The following RNF216 variants were observed in gnomAD, a reference collection of about 807,000 sequenced individuals.
The protein encoded by RNF216 is E3 ubiquitin-protein ligase RNF216.
In RNF216, 72 loss-of-function variants were observed where a neutral mutation model predicts 110.8. That is an observed-to-expected ratio of 0.65 (90% CI 0.54 to 0.79). RNF216 has a LOEUF of 0.79. Among genes scored for constraint, RNF216 ranks in the 30% least tolerant of loss-of-function variants. The pLI, the probability that RNF216 is intolerant of heterozygous loss-of-function variation, is 0.00. For missense variants in RNF216, 1,342 were observed against 1,141.2 expected (o/e 1.18, Z -2.54); for synonymous variants, 495 against 407.5 (o/e 1.21, Z -2.59).
At chr7:5,748,683 A>G (rs1017624656) in intron 3 of RNF216, among the ~76,000 whole-genome samples, 2 of 151,666 alleles carry the variant, frequency 1.3e-5, no homozygotes, top group Non-Finnish European at 2.9e-5. Flanking sequence ...AAGCATGTTA[A>G]CCATGTTATT....
chr7:5,675,714 CTT>C (rs754444984), intron 13 of RNF216, among the ~76,000 whole-genome samples: 1,722 of 141,240 alleles, frequency 0.012, 17 homozygotes, highest in Non-Finnish European at 0.02. Context: ...TATTCAAATT[CTT>C]TTTTTTTTTT....
intron 13 of RNF216, among the ~76,000 whole-genome samples, chr7:5,690,181 G>C (rs911353962): frequency 6.0e-5 from 9 of 151,030 alleles, no homozygotes; most frequent in Admixed American, 1.3e-4. Flanking sequence ...CAAAAAATTA[G>C]CCAGGCATGG....
At chr7:5,697,276 T>C (rs1791689564) in intron 13 of RNF216, among the ~76,000 whole-genome samples, 2 of 152,222 alleles carry the variant, frequency 1.3e-5, no homozygotes, top group African/African-American at 2.4e-5. Flanking sequence ...GCAGTCACCA[T>C]CACTCTCTCA....
At chr7:5,626,429 A>C (rs1294455773) in intron 15 of RNF216, among the ~76,000 whole-genome samples, 1 of 152,002 alleles carries the variant, frequency 6.6e-6, no homozygotes, top group Non-Finnish European at 1.5e-5. Flanking sequence ...AAAAAAAAGA[A>C]AAAAAGAAAT....
intron 13 of RNF216, among the ~76,000 whole-genome samples, chr7:5,665,940 C>T (rs553920707): frequency 3.9e-5 from 6 of 152,036 alleles, no homozygotes; most frequent in Non-Finnish European, 7.4e-5. Context: ...CCGAGACAGG[C>T]GGATCCCGAG....
intron 2 of RNF216, among the ~76,000 whole-genome samples, chr7:5,759,458 C>G (rs1403823712): frequency 6.6e-6 from 1 of 152,086 alleles, no homozygotes; most frequent in Non-Finnish European, 1.5e-5. Context: ...TATTTTCTTT[C>G]TCTTCCTTAT....
chr7:5,738,274 T>A (rs1191735129), intron 5 of RNF216, among the ~76,000 whole-genome samples: 2 of 152,170 alleles, frequency 1.3e-5, no homozygotes, highest in Non-Finnish European at 2.9e-5. Context: ...GCTCCCAGGC[T>A]GGAGTGCAGT....
At chr7:5,669,799 G>T (rs1278898542) in intron 13 of RNF216, among the ~76,000 whole-genome samples, 2 of 152,188 alleles carry the variant, frequency 1.3e-5, no homozygotes, top group African/African-American at 4.8e-5. Flanking sequence ...GGCCGAGGTA[G>T]GAGAATTGCT....
rs73676628 is a variant in RNF216 at position 5,650,947 on chromosome 7, A to G, written c.2159+1466T>C. Among the ~76,000 whole-genome samples the G allele has an allele frequency of 3.3e-3, 506 of 152,132 alleles. 6 individuals are homozygous for G. Among genetic ancestry groups the G allele is most frequent in the African/African-American group, 0.012 (496 of 41,496 alleles). On this transcript the variant is annotated intron_variant, in intron 14 of 16. Coordinates refer to ENST00000389902, the MANE Select transcript of RNF216 (RefSeq NM_207111.4). Reference sequence around the variant, plus strand: ...TTTCTGAGTACCAAACTCCTTCCATATCCTTCATATTTAAACTGGACATAA... The same window carrying G: ...TTTCTGAGTACCAAACTCCTTCCATGTCCTTCATATTTAAACTGGACATAA...
intron 13 of RNF216, among the ~76,000 whole-genome samples, chr7:5,689,586 T>C (rs1584456809): frequency 6.6e-6 from 1 of 152,200 alleles, no homozygotes; most frequent in African/African-American, 2.4e-5. Flanking sequence ...TTTTAAAGCA[T>C]AAGAAATGTA....
At chr7:5,679,710 C>T (rs1790529328) in intron 13 of RNF216, among the ~76,000 whole-genome samples, 1 of 152,100 alleles carries the variant, frequency 6.6e-6, no homozygotes, top group African/African-American at 2.4e-5. Context: ...CTGCAAGGAA[C>T]AATTAAACAA....
chr7:5,736,357 A>G (rs1469256025), intron 5 of RNF216, among the ~76,000 whole-genome samples: 2 of 152,070 alleles, frequency 1.3e-5, no homozygotes, highest in Non-Finnish European at 2.9e-5. Context: ...CCTAACCGGG[A>G]CTGATCTGCC....
intron 15 of RNF216, among the ~76,000 whole-genome samples, chr7:5,635,691 A>G (rs1328046148): frequency 6.6e-6 from 1 of 152,104 alleles, no homozygotes. Context: ...AGGACAAATG[A>G]CCCGGGTGGA....
At chr7:5,667,630 G>C (rs1789614879) in intron 13 of RNF216, among the ~76,000 whole-genome samples, 1 of 152,232 alleles carries the variant, frequency 6.6e-6, no homozygotes, top group South Asian at 2.1e-4. Flanking sequence ...GGCTGACCTT[G>C]TCTTTGCTCA....
rs1468643377 is a variant in RNF216 at position 5,719,419 on chromosome 7, T to C, written c.1644+1614A>G. Among the ~76,000 whole-genome samples, 5 of 152,182 alleles carry C rather than the reference T, an allele frequency of 3.3e-5. No homozygotes were observed. In the East Asian group the frequency reaches 7.7e-4, roughly 23 times the overall value. On this transcript the variant is annotated intron_variant, in intron 9 of 16. Coordinates refer to ENST00000389902, the MANE Select transcript of RNF216 (RefSeq NM_207111.4). ...GCAAAGAAGGTACTTTGGAAAATTG[T>C]TGAGTCCAGGTCTGAGAAAGCAGAA...
chr7:5,699,640 T>G lies in RNF216; in HGVS notation c.2061+12121A>C, dbSNP rs936664757. On this transcript the variant is annotated intron_variant, in intron 13 of 16. Coordinates refer to ENST00000389902, the MANE Select transcript of RNF216 (RefSeq NM_207111.4). ...TTCACAGTCCATCTTCCCAGGGGAA[T>G]TGTACAGAAACAGAGCACGAACTGT... is the stretch of plus-strand genomic sequence containing the variant. Among the ~76,000 whole-genome samples the G allele has an allele frequency of 2.6e-5, 4 of 152,302 alleles. No homozygotes were observed. In the East Asian group the frequency reaches 5.8e-4, roughly 22 times the overall value.
intron 13 of RNF216, among the ~76,000 whole-genome samples, chr7:5,675,084 T>C (rs1160379752): frequency 6.6e-6 from 1 of 152,210 alleles, no homozygotes; most frequent in African/African-American, 2.4e-5. Flanking sequence ...CATATGTAAC[T>C]AAAGCAGAGC....
chr7:5,703,267 T>G (rs937375840), intron 13 of RNF216, among the ~76,000 whole-genome samples: 1 of 152,204 alleles, frequency 6.6e-6, no homozygotes, highest in African/African-American at 2.4e-5. Flanking sequence ...TCCCTGATAG[T>G]AGGAACAAGT....
At chr7:5,655,960 G>T (rs1264433538) in intron 13 of RNF216, among the ~76,000 whole-genome samples, 4 of 151,816 alleles carry the variant, frequency 2.6e-5, no homozygotes, top group East Asian at 1.9e-4. Context: ...GGGCTCAAGC[G>T]ATCTCCCACC....
Sources: gnomAD v4.1 joint callset for allele counts (sites outside exome capture counted in the v4.1 genomes callset) on GRCh38, gnomAD v4.1.1 for gene constraint, MANE v1.5 for transcripts, NCBI Gene and HGNC (gene_info 2026-07-23, HGNC 2026-07-21) for gene names.